The following GFRA1 variants were observed in gnomAD, a reference collection of about 807,000 sequenced individuals.
GFRA1 encodes the protein GDNF family receptor alpha-1.
A neutral mutation model predicts 51.6 loss-of-function variants in GFRA1; 16 were observed. The observed-to-expected ratio is 0.31, with a 90% CI of 0.21 to 0.47. The LOEUF is 0.47. GFRA1 is among the 20% of genes least tolerant of loss of function. The pLI is 1.00. For synonymous variants in GFRA1, 270 were observed against 241.3 expected (o/e 1.12, Z -1.10); for missense variants, 530 against 594.3 (o/e 0.89, Z 1.13).
chr10:116,165,395 A>G (rs998205437), intron 5 of GFRA1, among the ~76,000 whole-genome samples: 1 of 146,126 alleles, frequency 6.8e-6, no homozygotes, highest in Non-Finnish European at 1.5e-5. Context: ...AAAAACCCTT[A>G]TTCAAGCACA....
chr10:116,271,682 C>T (rs1013627207), intron 2 of GFRA1, among the ~76,000 whole-genome samples: 1 of 152,164 alleles, frequency 6.6e-6, no homozygotes, highest in African/African-American at 2.4e-5. Flanking sequence ...GCCGCGGCTC[C>T]GCGAGCTCCC....
Position 116,196,639 on chromosome 10 carries a change from CTA to C in GFRA1, c.433+14990_433+14991del, listed in dbSNP as rs1158829242. 1.4e-3 allele frequency among the ~76,000 whole-genome samples: 10 copies of C among 6,962 alleles called. 3 individuals are homozygous for C. The East Asian group carries it at 0.3, about 209-fold the overall frequency. The allele number at this position is 6,962 out of a possible 152,430, so 4.6% of individuals were successfully genotyped here. On this transcript the variant is annotated intron_variant, in intron 5 of 10. Coordinates refer to ENST00000355422, the MANE Select transcript of GFRA1 (RefSeq NM_005264.8). Reference sequence around the variant, plus strand: ...TATATAATATATATAATATATAGTACTATATATAATATATATATAGTACTATA... The same window carrying C: ...TATATAATATATATAATATATAGTACTATATAATATATATATAGTACTATA...
At position 116,064,059 on chromosome 10, in the gene GFRA1, ATCATCATCATGATCATGATG is replaced by A. The variant is rs1167329756; in HGVS notation, c.*319_*338del. 1 of 102,422 alleles carries A rather than the reference ATCATCATCATGATCATGATG, an allele frequency of 9.8e-6. No homozygotes were observed. Among genetic ancestry groups the A allele is most frequent in the Admixed American group, 1.6e-4 (1 of 6,348 alleles). 6.3% of individuals were successfully genotyped at this position (102,422 alleles called of 1,614,324 possible). On this transcript the variant is annotated 3_prime_UTR_variant, in exon 11 of 11. Transcript: ENST00000355422. Reference sequence around the variant, plus strand: ...TAAAATCATCATCATGATCATGATGATCATCATCATGATCATGATGATCATCATCATGATCATCATCATCA... The same window carrying A: ...TAAAATCATCATCATGATCATGATGAATCATCATCATGATCATCATCATCA...
In GFRA1 at chr10:116,131,009, C is replaced by G. The variant is rs368355330; in HGVS notation, c.434-5452G>C. On this transcript the variant is annotated intron_variant, in intron 5 of 10. Transcript: ENST00000355422. Reference sequence around the variant, plus strand: ...CAAACCACAGACTGGAGAAAATATTCACAAAACATACGTCTGACAAAGGAC... The same window carrying G: ...CAAACCACAGACTGGAGAAAATATTGACAAAACATACGTCTGACAAAGGAC... 5.9e-5 allele frequency among the ~76,000 whole-genome samples: 9 copies of G among 152,184 alleles called. 1 individual carries two copies. Among genetic ancestry groups the G allele is most frequent in the African/African-American group, 2.2e-4 (9 of 41,536 alleles).
chr10:116,273,646 ACT>A (rs1158805358), upstream of GFRA1, among the ~76,000 whole-genome samples: 16 of 14,392 alleles, frequency 1.1e-3, no homozygotes, highest in East Asian at 0.029. Flanking sequence ...AGACACACAC[ACT>A]CTCTCTCTCT....
chr10:116,154,931 C>G (rs1188346130), intron 5 of GFRA1, among the ~76,000 whole-genome samples: 2 of 152,094 alleles, frequency 1.3e-5, no homozygotes, highest in Non-Finnish European at 2.9e-5. Flanking sequence ...ACAGGGATCC[C>G]CTACTCAAAG....
intron 5 of GFRA1, among the ~76,000 whole-genome samples, chr10:116,182,056 A>G (rs1249975395): frequency 6.8e-6 from 1 of 147,552 alleles, no homozygotes; most frequent in African/African-American, 2.5e-5. Flanking sequence ...TCAAGAATGC[A>G]TATATGTTAA....
At chr10:116,116,513 GA>G (rs1957418369) in intron 6 of GFRA1, among the ~76,000 whole-genome samples, 1 of 152,210 alleles carries the variant, frequency 6.6e-6, no homozygotes, top group South Asian at 2.1e-4. Flanking sequence ...GGGAGTTAAG[GA>G]ATCCAAATCA....
chr10:116,146,239 A>ATT (rs1467382593), intron 5 of GFRA1, among the ~76,000 whole-genome samples: 2 of 152,206 alleles, frequency 1.3e-5, no homozygotes, highest in Non-Finnish European at 2.9e-5. Context: ...GGATAGAAGC[A>ATT]TTTACAATTT....
intron 4 of GFRA1, among the ~76,000 whole-genome samples, chr10:116,222,975 ATTAT>A (rs1966029262): frequency 6.6e-6 from 1 of 152,234 alleles, no homozygotes; most frequent in African/African-American, 2.4e-5. Context: ...TAACCTATAG[ATTAT>A]TTAAATTAAC....
At chr10:116,145,734 A>G (rs779115629) in intron 5 of GFRA1, among the ~76,000 whole-genome samples, 10 of 152,212 alleles carry the variant, frequency 6.6e-5, no homozygotes, top group Non-Finnish European at 1.3e-4. Flanking sequence ...CTTCTCACAC[A>G]TATTAGTATG....
At chr10:116,250,603 C>T (rs1968255864) in intron 4 of GFRA1, among the ~76,000 whole-genome samples, 5 of 152,208 alleles carry the variant, frequency 3.3e-5, no homozygotes, top group Admixed American at 3.3e-4. Flanking sequence ...CTGGCCCCTC[C>T]AAGTCACACT....
intron 7 of GFRA1, among the ~76,000 whole-genome samples, chr10:116,095,171 G>C (rs765718117): frequency 6.6e-6 from 1 of 152,210 alleles, no homozygotes; most frequent in South Asian, 2.1e-4. Flanking sequence ...CACCTGGGAA[G>C]GGCACTGACT....
At position 116,169,147 on chromosome 10, in the gene GFRA1, G is replaced by A. The variant is rs150166184; in HGVS notation, c.433+42484C>T. Among the ~76,000 whole-genome samples the A allele has an allele frequency of 3.5e-3, 529 of 152,200 alleles. 4 individuals carry two copies. The highest frequency in any genetic ancestry group is 0.017 in the South Asian group (83 of 4,822). On this transcript the variant is annotated intron_variant, in intron 5 of 10. Coordinates refer to ENST00000355422, the MANE Select transcript of GFRA1 (RefSeq NM_005264.8). ...TAACTCCAGGGTCACTTGTCAAGAGGGACCACTGTCTTTATGGGACAAGAA... is the reference window on the plus strand; with the variant it reads ...TAACTCCAGGGTCACTTGTCAAGAGAGACCACTGTCTTTATGGGACAAGAA...
chr10:116,071,882 T>G (rs1284347490), intron 9 of GFRA1, among the ~76,000 whole-genome samples: 3 of 152,174 alleles, frequency 2.0e-5, no homozygotes, highest in African/African-American at 7.2e-5. Flanking sequence ...AGTCTATTGA[T>G]TGGAGTTCCC....
chr10:116,233,900 G>C (rs1449307388), intron 4 of GFRA1, among the ~76,000 whole-genome samples: 4 of 152,180 alleles, frequency 2.6e-5, no homozygotes, highest in Non-Finnish European at 5.9e-5. Flanking sequence ...ATGGCTTTGG[G>C]AAAGACTCTG....
At chr10:116,268,017 C>T (rs1012255930) in intron 4 of GFRA1, among the ~76,000 whole-genome samples, 11 of 151,804 alleles carry the variant, frequency 7.2e-5, no homozygotes, top group Non-Finnish European at 1.5e-4. Flanking sequence ...TAGAGAAATG[C>T]TTCTCAAGCT....
Position 116,063,693 on chromosome 10 carries a change from T to G in GFRA1, c.*705A>C, listed in dbSNP as rs2072277. The G allele has an allele frequency of 1.3e-5, 2 of 152,218 alleles. No individual in the cohort carries two copies. The highest frequency in any genetic ancestry group is 4.8e-5 in the African/African-American group (2 of 41,366). 9.4% of individuals were successfully genotyped at this position (152,218 alleles called of 1,614,324 possible). A position where few individuals can be genotyped will look rare whatever the true frequency, so the allele number is the denominator to read the frequency against. On this transcript the variant is annotated 3_prime_UTR_variant, in exon 11 of 11. Coordinates refer to ENST00000355422, the MANE Select transcript of GFRA1 (RefSeq NM_005264.8). ...GAGTGTCGTTCAGGGATTGAGGTAT[T>G]GAATCGGCACACTCATTCCCCACTC...
chr10:116,178,778 C>T (rs56146477), intron 5 of GFRA1, among the ~76,000 whole-genome samples: 1 of 152,314 alleles, frequency 6.6e-6, no homozygotes, highest in African/African-American at 2.4e-5. Context: ...CAGAACAATA[C>T]CATCTGGTCT....
Sources: allele counts gnomAD v4.1 joint callset (sites outside exome capture counted in the v4.1 genomes callset), GRCh38; gene constraint gnomAD v4.1.1; transcripts MANE v1.5; gene names NCBI Gene and HGNC (gene_info 2026-07-23, HGNC 2026-07-21).